Variants in POLN observed in about 807,000 individuals in gnomAD.
POLN encodes the protein DNA polymerase nu, also known as DNA polymerase N.
Under a neutral mutation model 113.5 loss-of-function variants are expected in POLN, and 108 were observed. That is an observed-to-expected ratio of 0.95 (90% CI 0.81 to 1.12). The LOEUF is 1.12. Among genes scored for constraint, POLN ranks in the 50% most tolerant of loss-of-function variants. The pLI is 0.00. For synonymous variants in POLN, 386 were observed against 391.5 expected (o/e 0.99, Z 0.17); for missense variants, 1,097 against 1,077.1 (o/e 1.02, Z -0.26).
intron 2 of POLN, among the ~76,000 whole-genome samples, chr4:2,235,340 T>C (rs532607348): frequency 1.3e-5 from 2 of 152,322 alleles, no homozygotes; most frequent in South Asian, 2.1e-4. Flanking sequence ...TTCACACCCG[T>C]TGGGATGGCT....
intron 12 of POLN, 74 bp downstream of exon 12, chr4:2,171,024 A>G: frequency 2.3e-6 from 3 of 1,325,662 alleles, no homozygotes; most frequent in Non-Finnish European, 3.2e-6. Flanking sequence ...TAATACTTAT[A>G]AATTCAAAAT....
intron 6 of POLN, among the ~76,000 whole-genome samples, chr4:2,198,322 C>T (rs182434410): frequency 5.9e-5 from 9 of 152,210 alleles, no homozygotes; most frequent in African/African-American, 9.6e-5. Flanking sequence ...CACAGAAGAA[C>T]GGAACTCCAT....
Position 2,198,532 on chromosome 4 carries a change from T to C in POLN, c.900A>G (p.Gln300=), listed in dbSNP as rs780738873. 3.7e-6 allele frequency: 6 copies of C among 1,608,394 alleles called. No individual in the cohort carries two copies. The highest frequency in any genetic ancestry group is 5.1e-6 in the Non-Finnish European group (6 of 1,177,090). The change falls in exon 6 of 26, where the codon CAA becomes CAG. Residue 300 remains glutamine (Q), a synonymous_variant. Coordinates refer to ENST00000511885, the MANE Select transcript of POLN (RefSeq NM_181808.4). The part of the protein sequence containing the change: ...IWDQEQEAHQ[Q]FARNVLFQTM... ...GTGTGAAGATTTCTTACCGGGCAAA[T>C]TGTTGATGTGCCTCCTGTTCTTGGT...
chr4:2,167,726 C>CCA lies in POLN; in HGVS notation c.1554+2951_1554+2952dup, dbSNP rs369846439. Among the ~76,000 whole-genome samples, 342 of 152,194 alleles carry CCA rather than the reference C, an allele frequency of 2.2e-3. 1 individual carries two copies. The highest frequency in any genetic ancestry group is 7.8e-3 in the African/African-American group (323 of 41,508). On this transcript the variant is annotated intron_variant, in intron 13 of 25. Transcript: ENST00000511885. ...CCAGCCTGGCCAACATGGGGAAACA[C>CCA]CATCTCTACTGAAAGTACAAAAATT...
chr4:2,124,592 A>G (rs1731532421), intron 19 of POLN, among the ~76,000 whole-genome samples: 1 of 152,168 alleles, frequency 6.6e-6, no homozygotes, highest in Admixed American at 6.5e-5. Context: ...TGTAACATTA[A>G]AAAGGTGAAT....
intron 5 of POLN, among the ~76,000 whole-genome samples, chr4:2,207,011 A>G (rs1360735457): frequency 1.3e-5 from 2 of 152,240 alleles, no homozygotes; most frequent in Non-Finnish European, 2.9e-5. Flanking sequence ...ATGCCCATCA[A>G]TCAAGGAGTG....
intron 16 of POLN, among the ~76,000 whole-genome samples, chr4:2,134,496 C>G (rs549419039): frequency 6.6e-6 from 1 of 152,192 alleles, no homozygotes; most frequent in East Asian, 1.9e-4. Context: ...GCTCCACACC[C>G]TCACCAATTA....
In POLN at chr4:2,126,125, C is replaced by A. The variant is rs1731573383; in HGVS notation, c.1982+1988G>T. Among the ~76,000 whole-genome samples the A allele has an allele frequency of 6.6e-6, 1 of 152,158 alleles. No homozygotes were observed. Among genetic ancestry groups the A allele is most frequent in the African/African-American group, 2.4e-5 (1 of 41,426 alleles). On this transcript the variant is annotated intron_variant, in intron 19 of 25. Transcript: ENST00000511885. This position sits in a 1 kb window ranked among gnomAD's most constrained non-coding sequence, Gnocchi z 4.6. ...TGGCTCCTGGTGCCCTGGACCCCAC[C>A]ATGTGCTGTGCTCGTCACATCGACC...
At chr4:2,079,495 T>C in intron 23 of POLN, 6 of 985,724 alleles carry the variant, frequency 6.1e-6, no homozygotes, top group Non-Finnish European at 7.2e-6. Context: ...CGTGTATGGG[T>C]GCATGTGCTT....
intron 13 of POLN, among the ~76,000 whole-genome samples, chr4:2,163,825 C>T (rs1201901292): frequency 6.6e-6 from 1 of 152,218 alleles, no homozygotes; most frequent in Non-Finnish European, 1.5e-5. Context: ...TGTGGATTCC[C>T]AGCATGGGAC....
intron 19 of POLN, among the ~76,000 whole-genome samples, chr4:2,114,962 A>T (rs1175850111): frequency 6.6e-6 from 1 of 151,402 alleles, no homozygotes; most frequent in South Asian, 2.1e-4. Context: ...CATTTTGGAC[A>T]CTTTCTATTG....
intron 4 of POLN, among the ~76,000 whole-genome samples, chr4:2,211,117 G>A (rs1271420111): frequency 2.0e-5 from 3 of 148,374 alleles, no homozygotes; most frequent in Non-Finnish European, 3.0e-5. Flanking sequence ...TGGGTGTGGT[G>A]GTGGGCACCT....
At chr4:2,185,259 G>A (rs996614584) in intron 7 of POLN, among the ~76,000 whole-genome samples, 4 of 152,172 alleles carry the variant, frequency 2.6e-5, no homozygotes, top group African/African-American at 9.7e-5. Context: ...CAGGCATCTG[G>A]ATCTAATTGC....
chr4:2,119,652 C>T (rs1185206644), intron 19 of POLN, among the ~76,000 whole-genome samples: 2 of 152,162 alleles, frequency 1.3e-5, no homozygotes, highest in East Asian at 1.9e-4. Flanking sequence ...CAGAATATAA[C>T]ATCAAATTGC....
intron 13 of POLN, among the ~76,000 whole-genome samples, chr4:2,166,837 C>T (rs1732740599): frequency 6.6e-6 from 1 of 152,190 alleles, no homozygotes; most frequent in African/African-American, 2.4e-5. Flanking sequence ...ACACTATCAG[C>T]TTCCCTGGGT....
chr4:2,193,173 A>AATT (rs1733492561), intron 7 of POLN, 31 bp downstream of exon 7: 1 of 1,488,484 alleles, frequency 6.7e-7, no homozygotes, highest in South Asian at 1.2e-5. Context: ...TGAAGAGTTA[A>AATT]ATTATAGAGA....
At chr4:2,233,148 G>A (rs6853365) in intron 2 of POLN, among the ~76,000 whole-genome samples, 19,528 of 152,144 alleles carry the variant, frequency 0.13, 1,861 homozygotes, top group East Asian at 0.35. Flanking sequence ...TGAAAATCAA[G>A]TAATTTCGAC....
At chr4:2,094,476 G>C (rs1036684295) in intron 20 of POLN, among the ~76,000 whole-genome samples, 1 of 152,068 alleles carries the variant, frequency 6.6e-6, no homozygotes, top group African/African-American at 2.4e-5. Flanking sequence ...CCCTGCAGGG[G>C]ACCCAGCTAT....
chr4:2,170,956 G>T, intron 12 of POLN, 142 bp downstream of exon 12: 1 of 858,526 alleles, frequency 1.2e-6, no homozygotes, highest in Non-Finnish European at 1.8e-6. Context: ...GAATCTCAAT[G>T]TGTTCATTAC....
Sources: gnomAD v4.1 joint callset for allele counts (sites outside exome capture counted in the v4.1 genomes callset) on GRCh38, gnomAD v4.1.1 for gene constraint, Gnocchi (gnomAD v3.1) non-coding constraint, MANE v1.5 for transcripts, NCBI Gene and HGNC (gene_info 2026-07-23, HGNC 2026-07-21) for gene names.